Variants in CORIN observed in about 807,000 individuals in gnomAD.
CORIN encodes corin, serine peptidase.
Under a neutral mutation model 125.3 loss-of-function variants are expected in CORIN, and 117 were observed. That is an observed-to-expected ratio of 0.93 (90% CI 0.80 to 1.09). CORIN has a LOEUF of 1.09. Among genes scored for constraint, CORIN ranks in the 50% least tolerant of loss-of-function variants. The probability of loss-of-function intolerance (pLI) is 0.00; values close to 1 mark genes in which losing one functional copy is unlikely to be tolerated. For missense variants in CORIN, 1,253 were observed against 1,306.7 expected (o/e 0.96, Z 0.63); for synonymous variants, 450 against 466.4 (o/e 0.96, Z 0.45).
intron 16 of CORIN, among the ~76,000 whole-genome samples, chr4:47,636,182 G>T (rs547339183): frequency 1.4e-3 from 218 of 152,182 alleles, no homozygotes; most frequent in African/African-American, 5.1e-3. Context: ...AAAGATTAGG[G>T]CATAAAATCA....
intron 16 of CORIN, among the ~76,000 whole-genome samples, chr4:47,640,852 T>C (rs562934095): frequency 2.7e-4 from 41 of 152,304 alleles, no homozygotes; most frequent in Admixed American, 2.5e-3. Flanking sequence ...AAAATAACCA[T>C]ATTCAAAAGA....
chr4:47,828,863 G>GA (rs562068277), intron 1 of CORIN, among the ~76,000 whole-genome samples: 14 of 150,552 alleles, frequency 9.3e-5, no homozygotes, highest in Non-Finnish European at 1.6e-4. Flanking sequence ...GACTTGTTAT[G>GA]AAAAAAAAAG....
At chr4:47,623,096 C>CTATATATATATATATATA (rs1553904935) in intron 19 of CORIN, among the ~76,000 whole-genome samples, 1 of 102,306 alleles carries the variant, frequency 9.8e-6, no homozygotes, top group East Asian at 4.0e-4. Context: ...CTCTCTCTCT[C>CTATATATATATATATATA]TATATATATA....
At chr4:47,692,835 T>C (rs1725827431) in intron 6 of CORIN, 135 bp downstream of exon 6, 9 of 686,900 alleles carry the variant, frequency 1.3e-5, no homozygotes. Context: ...CATGCTGCTG[T>C]CATTCTGGGG....
At chr4:47,809,474 G>A (rs979903391) in intron 1 of CORIN, among the ~76,000 whole-genome samples, 6 of 134,996 alleles carry the variant, frequency 4.4e-5, no homozygotes, top group Admixed American at 2.5e-4. Flanking sequence ...GCACAATCTT[G>A]GCTCACTGCA....
intron 7 of CORIN, 195 bp from the exon 8 acceptor site, chr4:47,680,446 T>C (rs1725221652): frequency 2.0e-6 from 1 of 506,266 alleles, no homozygotes; most frequent in African/African-American, 2.0e-5. Context: ...ACCATCACTG[T>C]GGGGTAAGAT....
chr4:47,747,001 T>G (rs1175395259), intron 4 of CORIN, among the ~76,000 whole-genome samples: 1 of 152,270 alleles, frequency 6.6e-6, no homozygotes, highest in South Asian at 2.1e-4. Context: ...TCTCTAGGTG[T>G]GAGCCAGCCC....
chr4:47,819,717 C>T (rs1732424751), intron 1 of CORIN, among the ~76,000 whole-genome samples: 1 of 152,206 alleles, frequency 6.6e-6, no homozygotes, highest in East Asian at 1.9e-4. Context: ...AGGCATCCTG[C>T]ATCTCATCTG....
chr4:47,791,219 T>C (rs1178470649), intron 2 of CORIN, among the ~76,000 whole-genome samples: 1 of 152,106 alleles, frequency 6.6e-6, no homozygotes, highest in East Asian at 1.9e-4. Context: ...TAAGAGAGTA[T>C]GTGTCAGGGT....
At chr4:47,769,885 T>G (rs1218222685) in intron 3 of CORIN, among the ~76,000 whole-genome samples, 1 of 152,094 alleles carries the variant, frequency 6.6e-6, no homozygotes, top group Non-Finnish European at 1.5e-5. Flanking sequence ...AAAACTTACA[T>G]GTAAAACCTA....
At chr4:47,825,676 A>G (rs1732714317) in intron 1 of CORIN, among the ~76,000 whole-genome samples, 1 of 151,352 alleles carries the variant, frequency 6.6e-6, no homozygotes, top group Admixed American at 6.6e-5. Flanking sequence ...AAAAATCACC[A>G]GTAACTTTTT....
chr4:47,688,666 T>A (rs1241796070), intron 6 of CORIN, among the ~76,000 whole-genome samples: 2 of 152,184 alleles, frequency 1.3e-5, no homozygotes, highest in African/African-American at 4.8e-5. Context: ...CCTGATTTGA[T>A]TAAAAGACTC....
chr4:47,732,788 C>T (rs938411609), intron 5 of CORIN, among the ~76,000 whole-genome samples: 2 of 152,114 alleles, frequency 1.3e-5, no homozygotes, highest in Admixed American at 1.3e-4. Flanking sequence ...TCTCTGAACT[C>T]TTAACCTCAA....
At chr4:47,747,391 T>C (rs568362937) in intron 4 of CORIN, among the ~76,000 whole-genome samples, 1 of 152,196 alleles carries the variant, frequency 6.6e-6, no homozygotes, top group Middle Eastern at 3.4e-3. Flanking sequence ...AAAAAAACAT[T>C]CAACATTTTT....
At chr4:47,786,402 G>A (rs112716327) in intron 3 of CORIN, among the ~76,000 whole-genome samples, 12 of 151,934 alleles carry the variant, frequency 7.9e-5, no homozygotes, top group East Asian at 5.8e-4. Flanking sequence ...TTAGCTGGGC[G>A]TGGTGGCGGG....
chr4:47,820,463 A>G (rs1732459838), intron 1 of CORIN, among the ~76,000 whole-genome samples: 1 of 152,192 alleles, frequency 6.6e-6, no homozygotes, highest in South Asian at 2.1e-4. Flanking sequence ...TAGCCCAAGG[A>G]AAGGACTAAA....
At chr4:47,767,380 A>G (rs1729808106) in intron 3 of CORIN, among the ~76,000 whole-genome samples, 1 of 152,126 alleles carries the variant, frequency 6.6e-6, no homozygotes, top group Non-Finnish European at 1.5e-5. Flanking sequence ...AAAGAAAAAT[A>G]TTCATCTATC....
intron 2 of CORIN, among the ~76,000 whole-genome samples, chr4:47,791,911 G>A (rs945559195): frequency 2.0e-5 from 3 of 152,158 alleles, no homozygotes; most frequent in Admixed American, 2.0e-4. Flanking sequence ...GATTAGTTGA[G>A]GGAGACGGGC....
intron 20 of CORIN, among the ~76,000 whole-genome samples, 171 bp from the exon 21 acceptor site, chr4:47,600,518 G>C (rs895784251): frequency 3.4e-4 from 51 of 152,126 alleles, no homozygotes; most frequent in African/African-American, 1.2e-3. Context: ...TTTGGAATCA[G>C]AATTTTCTAG....
Sources: allele counts gnomAD v4.1 joint callset (sites outside exome capture counted in the v4.1 genomes callset), GRCh38; gene constraint gnomAD v4.1.1; transcripts MANE v1.5; gene names NCBI Gene and HGNC (gene_info 2026-07-23, HGNC 2026-07-21).